Variants in WDR89 observed in about 807,000 individuals in gnomAD.
WDR89 encodes WD repeat domain 89.
WDR89 carries 17 observed loss-of-function variants against 29.1 expected under a neutral mutation model. The ratio of observed to expected loss-of-function variants is 0.58; its 90% CI spans 0.40 to 0.88. WDR89 has a LOEUF of 0.88. Ranked by LOEUF, WDR89 falls within the 40% of genes least tolerant of loss-of-function variation. WDR89 has a pLI of 0.00. For missense variants in WDR89, 396 were observed against 456.3 expected (o/e 0.87, Z 1.20); for synonymous variants, 138 against 157.8 (o/e 0.87, Z 0.94).
Position 63,599,944 on chromosome 14 carries a change from T to G in WDR89, c.-2A>C, listed in dbSNP as rs757978580. On this transcript the variant is annotated 5_prime_UTR_variant, in exon 3 of 3. Coordinates refer to ENST00000620954, the MANE Select transcript of WDR89 (RefSeq NM_080666.4). ...AAATTGTTCCTCAATCTTTTCCATG[T>G]CAACAGCAGCATCCAAGGGTAGTAA... 2.5e-6 allele frequency: 4 copies of G among 1,585,322 alleles called. No homozygotes were observed. Among genetic ancestry groups the G allele is most frequent in the Non-Finnish European group, 3.4e-6 (4 of 1,163,910 alleles).
intron 2 of WDR89, among the ~76,000 whole-genome samples, chr14:63,602,462 C>CAAAAAAA: frequency 2.8e-5 from 1 of 35,634 alleles, no homozygotes; most frequent in Non-Finnish European, 6.5e-5. Context: ...GATTCCTACT[C>CAAAAAAA]AAAAAAAAAA....
In WDR89 at chr14:63,599,008, T is replaced by G. The variant is rs143334972; in HGVS notation, c.935A>C (p.His312Pro). 124 of 1,614,220 alleles carry G rather than the reference T, an allele frequency of 7.7e-5. No homozygotes were observed. In the African/African-American group the frequency reaches 1.5e-3, roughly 19 times the overall value. The change falls in exon 3 of 3, where the codon CAT (histidine) becomes CCT (proline). Residue 312 changes from histidine (H) to proline (P), a missense_variant. His to Pro is a moderately conservative substitution (Grantham distance 77, BLOSUM62 -2). Transcript: ENST00000620954. ...ATGCCCTCCCTGAAGGCTAGTCACA[T>G]GGGTCAGTCCTGACATGCTGCAGTT... ...LMNCSMSGLT[H>P]VTSLQGGHAA...
intron 2 of WDR89, among the ~76,000 whole-genome samples, chr14:63,611,253 C>T (rs985659871): frequency 6.9e-6 from 1 of 145,326 alleles, no homozygotes; most frequent in Non-Finnish European, 1.5e-5. Flanking sequence ...ATGAGAATCA[C>T]TTGAACCCAG....
At chr14:63,601,225 G>T (rs1015498954) in intron 2 of WDR89, among the ~76,000 whole-genome samples, 1 of 151,914 alleles carries the variant, frequency 6.6e-6, no homozygotes, top group African/African-American at 2.4e-5. Flanking sequence ...GCAGTAATTT[G>T]TTATAGCAGC....
intron 1 of WDR89, among the ~76,000 whole-genome samples, chr14:63,632,191 C>A (rs1883452154): frequency 6.6e-6 from 1 of 151,006 alleles, no homozygotes; most frequent in Non-Finnish European, 1.5e-5. Context: ...GGAAAAAAAA[C>A]AAAGAAATGC....
At chr14:63,605,195 CAT>C (rs1313583401) in intron 2 of WDR89, among the ~76,000 whole-genome samples, 2 of 134,860 alleles carry the variant, frequency 1.5e-5, no homozygotes, top group African/African-American at 6.5e-5. Flanking sequence ...CACACACACA[CAT>C]ATATACATAC....
Position 63,599,948 on chromosome 14 carries a change from C to T in WDR89, c.-6G>A, listed in dbSNP as rs1229249648. ...TGTTCCTCAATCTTTTCCATGTCAA[C>T]AGCAGCATCCAAGGGTAGTAAAACT... On this transcript the variant is annotated 5_prime_UTR_variant, in exon 3 of 3. Transcript: ENST00000620954. 1.3e-6 allele frequency: 2 copies of T among 1,581,474 alleles called. No homozygotes were observed. The highest frequency in any genetic ancestry group is 1.7e-6 in the Non-Finnish European group (2 of 1,162,072).
chr14:63,610,292 A>G (rs943376430), intron 2 of WDR89, among the ~76,000 whole-genome samples: 24 of 151,734 alleles, frequency 1.6e-4, no homozygotes, highest in Non-Finnish European at 7.4e-5. Flanking sequence ...ATGAGTCCAT[A>G]CTGATAAAAA....
At chr14:63,636,453 G>T (rs1249710138) in intron 1 of WDR89, among the ~76,000 whole-genome samples, 10 of 152,148 alleles carry the variant, frequency 6.6e-5, no homozygotes, top group African/African-American at 2.4e-4. Flanking sequence ...AGCCCGCATA[G>T]CCAAAGCATG....
intron 1 of WDR89, among the ~76,000 whole-genome samples, chr14:63,637,259 A>T (rs28778590): frequency 0.077 from 11,756 of 152,278 alleles, 831 homozygotes; most frequent in African/African-American, 0.19. Flanking sequence ...GAATAAAAAA[A>T]CAAGAGATGC....
intron 1 of WDR89, among the ~76,000 whole-genome samples, chr14:63,637,037 G>T (rs1883777123): frequency 6.6e-6 from 1 of 151,910 alleles, no homozygotes; most frequent in Non-Finnish European, 1.5e-5. Flanking sequence ...CTAATATCCA[G>T]CATCTACAAC....
rs369412273 is a variant in WDR89 at position 63,622,914 on chromosome 14, T to C, written c.-32+2014A>G. Among the ~76,000 whole-genome samples, 15 of 152,102 alleles carry C rather than the reference T, an allele frequency of 9.9e-5. 1 individual carries two copies. The highest frequency in any genetic ancestry group is 3.4e-4 in the African/African-American group (14 of 41,520). On this transcript the variant is annotated intron_variant, in intron 2 of 2. Transcript: ENST00000620954. ...AGATTTTAACAAGTCAAAAAGGATA[T>C]AATGGGCCAGGCACAGTGGCTCACG...
At chr14:63,613,913 C>T (rs926644209) in intron 2 of WDR89, among the ~76,000 whole-genome samples, 14 of 150,020 alleles carry the variant, frequency 9.3e-5, no homozygotes, top group South Asian at 2.1e-4. Context: ...CCTCCCAAAG[C>T]GCTGGGATTA....
Position 63,629,267 on chromosome 14 carries a change from T to C in WDR89, c.-137-4234A>G, listed in dbSNP as rs113999142. Reference sequence around the variant, plus strand: ...CATTTTCAAATATTAATTTTGCATATACCAGATCAAGTCTTTAGTATAATC... The same window carrying C: ...CATTTTCAAATATTAATTTTGCATACACCAGATCAAGTCTTTAGTATAATC... On this transcript the variant is annotated intron_variant, in intron 1 of 2. Transcript: ENST00000620954. 4.3e-3 allele frequency among the ~76,000 whole-genome samples: 655 copies of C among 152,362 alleles called. 7 individuals carry two copies. The highest frequency in any genetic ancestry group is 0.014 in the African/African-American group (603 of 41,594).
At chr14:63,606,419 G>C (rs561949240) in intron 2 of WDR89, among the ~76,000 whole-genome samples, 1 of 152,288 alleles carries the variant, frequency 6.6e-6, no homozygotes, top group South Asian at 2.1e-4. Context: ...GAGGAAAAAA[G>C]TATCACGCCA....
At position 63,599,477 on chromosome 14, in the gene WDR89, A is replaced by G. The variant is rs754138741; in HGVS notation, c.466T>C (p.Ser156Pro). The G allele has an allele frequency of 1.9e-5, 31 of 1,614,090 alleles. No individual in the cohort carries two copies. The highest frequency in any genetic ancestry group is 2.6e-5 in the Non-Finnish European group (31 of 1,180,038). ...GCACCAAGTGAGTCTTTAGTTGTAG[A>G]TAAATTCTGAGAATTCATCCTTGCA... The part of the protein sequence containing the change: ...WDARMNSQNL[S>P]TTKDSLGAYS... Residue 156 changes from serine (S) to proline (P), a missense_variant, in exon 3 of 3, where the codon TCT (serine) becomes CCT (proline). Transcript: ENST00000620954.
At chr14:63,606,633 G>A (rs1276538397) in intron 2 of WDR89, among the ~76,000 whole-genome samples, 2 of 152,188 alleles carry the variant, frequency 1.3e-5, no homozygotes, top group African/African-American at 4.8e-5. Flanking sequence ...GGTAAGTACA[G>A]TATACTCCAT....
intron 2 of WDR89, among the ~76,000 whole-genome samples, chr14:63,600,934 T>C (rs535032828): frequency 1.2e-4 from 18 of 152,196 alleles, no homozygotes; most frequent in African/African-American, 3.9e-4. Context: ...TGGTAACAAC[T>C]GTCTTCAAAA....
chr14:63,601,533 C>G, intron 2 of WDR89: 1 of 1,548,730 alleles, frequency 6.5e-7, no homozygotes, highest in East Asian at 2.2e-5. Flanking sequence ...GTTTAAGTTT[C>G]TTCCACTCTT....
Sources: gnomAD v4.1 joint callset for allele counts (sites outside exome capture counted in the v4.1 genomes callset) on GRCh38, gnomAD v4.1.1 for gene constraint, MANE v1.5 for transcripts, NCBI Gene and HGNC (gene_info 2026-07-23, HGNC 2026-07-21) for gene names.